Variants in KCNH7 observed in about 807,000 individuals in gnomAD.
KCNH7 encodes the protein voltage-gated inwardly rectifying potassium channel KCNH7.
A neutral mutation model predicts 120.8 loss-of-function variants in KCNH7; 49 were observed. That is an observed-to-expected ratio of 0.41 (90% CI 0.32 to 0.51). KCNH7 has a LOEUF of 0.51. Ranked by LOEUF, KCNH7 falls within the 20% of genes least tolerant of loss-of-function variation. The pLI, the probability that KCNH7 is intolerant of heterozygous loss-of-function variation, is 0.38. For missense variants in KCNH7, 1,097 were observed against 1,446.6 expected, an observed-to-expected ratio of 0.76 and a Z score of 3.92; for synonymous variants, 547 against 516.1, an observed-to-expected ratio of 1.06 and a Z score of -0.81.
At chr2:162,773,263 T>C (rs1683123455) in intron 2 of KCNH7, among the ~76,000 whole-genome samples, 1 of 152,092 alleles carries the variant, frequency 6.6e-6, no homozygotes, top group African/African-American at 2.4e-5. Context: ...CGAGGCAGGC[T>C]GATAACTTGA....
At chr2:162,765,270 G>A (rs1220472869) in intron 2 of KCNH7, among the ~76,000 whole-genome samples, 1 of 152,156 alleles carries the variant, frequency 6.6e-6, no homozygotes, top group Non-Finnish European at 1.5e-5. Flanking sequence ...TTGAATCCTG[G>A]TATGTGTACA....
chr2:162,399,727 G>A (rs1398260823), intron 10 of KCNH7, among the ~76,000 whole-genome samples: 8 of 151,706 alleles, frequency 5.3e-5, no homozygotes, highest in African/African-American at 9.7e-5. Flanking sequence ...CATTTAATCC[G>A]ACGCGGCAGG....
intron 2 of KCNH7, among the ~76,000 whole-genome samples, chr2:162,828,729 C>G (rs900933743): frequency 2.0e-5 from 3 of 152,112 alleles, no homozygotes; most frequent in Non-Finnish European, 4.4e-5. Flanking sequence ...CTCAGGGAAC[C>G]TCACACATTC....
intron 2 of KCNH7, among the ~76,000 whole-genome samples, chr2:162,631,357 G>T (rs955388305): frequency 5.3e-5 from 8 of 151,924 alleles, no homozygotes; most frequent in African/African-American, 1.7e-4. Flanking sequence ...GGTATTTTTT[G>T]ATTAGAGCAG....
chr2:162,390,028 C>T (rs960688333), intron 12 of KCNH7, among the ~76,000 whole-genome samples: 1 of 151,870 alleles, frequency 6.6e-6, no homozygotes, highest in Non-Finnish European at 1.5e-5. Flanking sequence ...ACAATGGACT[C>T]CAAATGAATG....
chr2:162,836,620 T>C lies in KCNH7; in HGVS notation c.224A>G (p.Lys75Arg), dbSNP rs1685671695. 1.9e-6 allele frequency: 3 copies of C among 1,614,190 alleles called. No individual in the cohort carries two copies. Among genetic ancestry groups the C allele is most frequent in the Non-Finnish European group, 2.5e-6 (3 of 1,180,036 alleles). ...GGCAATTTGGGCAATATCATGCCTCTTGGTCTCGGGTCCATGGAGAAAGTC... is the reference window on the plus strand; with the variant it reads ...GGCAATTTGGGCAATATCATGCCTCCTGGTCTCGGGTCCATGGAGAAAGTC... ...TCDFLHGPET[K>R]RHDIAQIAQA... Residue 75 changes from lysine to arginine, a missense_variant, in exon 2 of 16, where the codon AAG becomes AGG. Physicochemically the swap from Lys to Arg is conservative, Grantham distance 26. Transcript: ENST00000332142.
chr2:162,377,196 G>A (rs1686227529), intron 14 of KCNH7, among the ~76,000 whole-genome samples: 1 of 151,886 alleles, frequency 6.6e-6, no homozygotes, highest in Non-Finnish European at 1.5e-5. Flanking sequence ...ATAAAGTGGA[G>A]GTGAAAGGTT....
At chr2:162,607,326 G>A (rs1682813505) in intron 2 of KCNH7, among the ~76,000 whole-genome samples, 1 of 151,534 alleles carries the variant, frequency 6.6e-6, no homozygotes, top group Non-Finnish European at 1.5e-5. Context: ...GCAGGTGGAA[G>A]TTGCAGTGAG....
chr2:162,448,929 T>A (rs1231934150), intron 6 of KCNH7, among the ~76,000 whole-genome samples: 1 of 151,770 alleles, frequency 6.6e-6, no homozygotes, highest in African/African-American at 2.4e-5. Context: ...ATGGAGTAGG[T>A]GGGTAGTCTT....
intron 2 of KCNH7, among the ~76,000 whole-genome samples, chr2:162,559,408 G>A (rs757301612): frequency 2.0e-5 from 3 of 152,154 alleles, no homozygotes; most frequent in South Asian, 2.1e-4. Context: ...TAGTGATAAA[G>A]GTGTTAAATT....
chr2:162,514,123 G>A (rs1046411812), intron 4 of KCNH7, among the ~76,000 whole-genome samples: 4 of 151,542 alleles, frequency 2.6e-5, no homozygotes, highest in Non-Finnish European at 5.9e-5. Flanking sequence ...TAAAATCTTG[G>A]GATATATCAT....
intron 2 of KCNH7, among the ~76,000 whole-genome samples, chr2:162,683,052 T>A (rs910410527): frequency 6.6e-6 from 1 of 151,856 alleles, no homozygotes; most frequent in African/African-American, 2.4e-5. Context: ...AAATAGGAAG[T>A]GCTGAAGCAA....
intron 2 of KCNH7, among the ~76,000 whole-genome samples, chr2:162,581,875 C>A (rs73026653): frequency 0.051 from 7,741 of 151,874 alleles, 366 homozygotes; most frequent in East Asian, 0.18. Flanking sequence ...ACAAAGGGAC[C>A]CACCCACCCA....
chr2:162,748,860 CCCT>C, intron 2 of KCNH7, among the ~76,000 whole-genome samples: 1 of 72,972 alleles, frequency 1.4e-5, no homozygotes, highest in Non-Finnish European at 2.6e-5. Context: ...CCCTCCCCTT[CCCT>C]CCCCTCCCCC....
At chr2:162,630,160 T>A (rs897862716) in intron 2 of KCNH7, among the ~76,000 whole-genome samples, 4 of 152,016 alleles carry the variant, frequency 2.6e-5, no homozygotes, top group African/African-American at 9.7e-5. Flanking sequence ...TAACTCAAGG[T>A]GATTAAAAAC....
chr2:162,582,362 A>G (rs1693899486), intron 2 of KCNH7, among the ~76,000 whole-genome samples: 1 of 152,098 alleles, frequency 6.6e-6, no homozygotes, highest in African/African-American at 2.4e-5. Context: ...ATGGAGTGAT[A>G]TTCTAGCATT....
chr2:162,384,552 T>G (rs1686518363), intron 13 of KCNH7, 136 bp downstream of exon 13: 2 of 872,734 alleles, frequency 2.3e-6, no homozygotes, highest in East Asian at 5.0e-5. Flanking sequence ...ATCTGAAATC[T>G]GAACGCTTCG....
chr2:162,525,976 G>A (rs772311113), intron 3 of KCNH7, among the ~76,000 whole-genome samples: 17 of 151,760 alleles, frequency 1.1e-4, no homozygotes, highest in East Asian at 3.9e-4. Flanking sequence ...GCCAGATATC[G>A]GGTGAAATTC....
intron 2 of KCNH7, among the ~76,000 whole-genome samples, chr2:162,604,932 T>C (rs1215339028): frequency 6.6e-6 from 1 of 152,130 alleles, no homozygotes; most frequent in Admixed American, 6.6e-5. Flanking sequence ...AAGTGAGTAC[T>C]GTTAAATAGC....
Sources: allele counts gnomAD v4.1 joint callset (sites outside exome capture counted in the v4.1 genomes callset), GRCh38; gene constraint gnomAD v4.1.1; transcripts MANE v1.5; gene names NCBI Gene and HGNC (gene_info 2026-07-23, HGNC 2026-07-21).